The following RBM20 variants were observed in gnomAD, a reference collection of about 807,000 sequenced individuals.
RBM20 encodes the protein RNA binding motif protein 20, also known as RNA-binding protein 20.
A neutral mutation model predicts 110.1 loss-of-function variants in RBM20; 51 were observed. That is an observed-to-expected ratio of 0.46 (90% confidence interval 0.37 to 0.59). The LOEUF (loss-of-function observed/expected upper bound fraction) is 0.59, where lower values mean the gene tolerates loss of function less well. Among genes scored for constraint, RBM20 ranks in the 20% least tolerant of loss-of-function variants. The pLI is 0.00. For synonymous variants in RBM20, 589 were observed against 618.2 expected, an observed-to-expected ratio of 0.95 and a Z score of 0.70; for missense variants, 1,512 against 1,574.9, an observed-to-expected ratio of 0.96 and a Z score of 0.68.
chr10:110,685,767 G>C (rs1389570762), intron 1 of RBM20, among the ~76,000 whole-genome samples: 1 of 152,150 alleles, frequency 6.6e-6, no homozygotes, highest in Admixed American at 6.5e-5. Flanking sequence ...AGGTGGGTTC[G>C]GGCTAACGTG....
Position 110,644,598 on chromosome 10 carries a change from C to G in RBM20, c.144C>G (p.Pro48=), listed in dbSNP as rs1202385895. Residue 48 remains proline, a synonymous_variant, in exon 1 of 14, where the codon CCC becomes CCG. Coordinates refer to ENST00000369519, the MANE Select transcript of RBM20 (RefSeq NM_001134363.3). The surrounding 1 kb of genome is among the most constrained non-coding windows in gnomAD (Gnocchi z 4.3). ...GGATGCAGCAGCCGCCGCCGCCGCC[C>G]CAGCCACCGCCCCCGCCCCAAGCCG... ...PRGMQQPPPP[P]QPPPPPQAGL... is the part of the protein sequence containing the mutation. 1 of 1,523,456 alleles carries G rather than the reference C, an allele frequency of 6.6e-7. No individual in the cohort carries two copies. Among genetic ancestry groups the G allele is most frequent in the African/African-American group, 1.4e-5 (1 of 70,512 alleles). 94.4% of individuals were successfully genotyped at this position (1,523,456 alleles called of 1,614,324 possible).
chr10:110,725,787 A>G (rs1257012705), intron 1 of RBM20, among the ~76,000 whole-genome samples: 4 of 152,180 alleles, frequency 2.6e-5, no homozygotes, highest in African/African-American at 9.7e-5. Context: ...TGTAAAACCA[A>G]TTGTATGGCA....
intron 1 of RBM20, among the ~76,000 whole-genome samples, chr10:110,700,094 C>G: frequency 6.6e-6 from 1 of 152,150 alleles, no homozygotes. Context: ...TATTTTTGGA[C>G]CACGCTTGAC....
intron 1 of RBM20, among the ~76,000 whole-genome samples, chr10:110,718,287 T>C (rs768178453): frequency 4.8e-4 from 73 of 152,230 alleles, no homozygotes; most frequent in Non-Finnish European, 7.6e-4. Context: ...TTATAAGCAA[T>C]ATATAAATTC....
At chr10:110,666,357 T>A (rs1862179053) in intron 1 of RBM20, among the ~76,000 whole-genome samples, 2 of 152,112 alleles carry the variant, frequency 1.3e-5, no homozygotes. Flanking sequence ...AAAAATCACC[T>A]GGGGGCTGGG....
intron 6 of RBM20, 63 bp downstream of exon 6, chr10:110,797,711 G>A (rs1455739398): frequency 1.3e-5 from 20 of 1,484,758 alleles, no homozygotes; most frequent in Middle Eastern, 1.8e-4. Flanking sequence ...GAAAGGGAAC[G>A]ATATAATTTT....
chr10:110,751,904 C>T (rs1843858787), intron 1 of RBM20, among the ~76,000 whole-genome samples: 1 of 151,744 alleles, frequency 6.6e-6, no homozygotes, highest in Non-Finnish European at 1.5e-5. Flanking sequence ...TTTTTTAGAG[C>T]AGGTTCACAG....
chr10:110,810,548 A>G (rs1056629891), intron 8 of RBM20, 86 bp downstream of exon 8: 5 of 946,868 alleles, frequency 5.3e-6, no homozygotes, highest in Non-Finnish European at 8.2e-6. Flanking sequence ...CATTTGAGTC[A>G]TGCTGTGCCC....
At chr10:110,702,316 G>A (rs998594218) in intron 1 of RBM20, among the ~76,000 whole-genome samples, 1 of 152,046 alleles carries the variant, frequency 6.6e-6, no homozygotes, top group East Asian at 1.9e-4. Context: ...TAGGTGGGAG[G>A]ATCACCTGAG....
intron 1 of RBM20, among the ~76,000 whole-genome samples, chr10:110,702,921 A>G (rs560410463): frequency 1.3e-5 from 2 of 151,944 alleles, no homozygotes; most frequent in South Asian, 4.2e-4. Context: ...TCTGGCAATT[A>G]GTGAGCACCA....
intron 1 of RBM20, among the ~76,000 whole-genome samples, chr10:110,749,878 G>T (rs1055674733): frequency 6.6e-6 from 1 of 151,980 alleles, no homozygotes; most frequent in Non-Finnish European, 1.5e-5. Flanking sequence ...AAATCAAAAT[G>T]TTAACACTGT....
chr10:110,690,694 A>G (rs889076780), intron 1 of RBM20, among the ~76,000 whole-genome samples: 2 of 152,242 alleles, frequency 1.3e-5, no homozygotes, highest in African/African-American at 4.8e-5. Flanking sequence ...TTCAAGGATC[A>G]TTCATACTGT....
At chr10:110,744,969 G>GT (rs1843762358) in intron 1 of RBM20, among the ~76,000 whole-genome samples, 1 of 152,168 alleles carries the variant, frequency 6.6e-6, no homozygotes, top group Non-Finnish European at 1.5e-5. Context: ...AGAGCGAGAG[G>GT]TTACTTCTGC....
In RBM20 at chr10:110,835,978, ATGCTTC is replaced by A; in HGVS notation, c.*11_*16del. 1.8e-6 allele frequency: 2 copies of A among 1,112,960 alleles called. No homozygotes were observed. Among genetic ancestry groups the A allele is most frequent in the Admixed American group, 2.1e-5 (1 of 46,734 alleles). 68.9% of individuals were successfully genotyped at this position (1,112,960 alleles called of 1,614,324 possible). ...CACGCTTCGAAAGGAAAAAGCTCTG[ATGCTTC>A]TGCTTCTGCTGCTACTGCTGCTGCT... On this transcript the variant is annotated 3_prime_UTR_variant, in exon 14 of 14. Coordinates refer to ENST00000369519, the MANE Select transcript of RBM20 (RefSeq NM_001134363.3).
At chr10:110,668,938 G>A (rs964480151) in intron 1 of RBM20, among the ~76,000 whole-genome samples, 1 of 150,026 alleles carries the variant, frequency 6.7e-6, no homozygotes, top group African/African-American at 2.4e-5. Context: ...CCTGGCCCTT[G>A]CTTTGTTTTG....
chr10:110,676,503 A>G (rs1414084981), intron 1 of RBM20, among the ~76,000 whole-genome samples: 6 of 152,258 alleles, frequency 3.9e-5, no homozygotes, highest in Non-Finnish European at 8.8e-5. Context: ...TATCGCTCTC[A>G]GAATTTATGG....
At chr10:110,773,866 G>A (rs1844225537) in intron 1 of RBM20, among the ~76,000 whole-genome samples, 1 of 152,162 alleles carries the variant, frequency 6.6e-6, no homozygotes, top group Non-Finnish European at 1.5e-5. Flanking sequence ...TGCCTGATAA[G>A]CGACGTACGG....
rs1427960029 is a variant in RBM20 at position 110,766,899 on chromosome 10, C to T, written c.192-13902C>T. On this transcript the variant is annotated intron_variant, in intron 1 of 13. Transcript: ENST00000369519. ...GGGGCTCCTCACTTCCCAGTAGGGG[C>T]GGCCGGGCAGAGGCGCCCCTCACCT... is the stretch of plus-strand genomic sequence containing the variant. Among the ~76,000 whole-genome samples the T allele has an allele frequency of 1.7e-4, 26 of 148,698 alleles. No individual in the cohort carries two copies. The East Asian group carries it at 4.9e-3, about 28-fold the overall frequency.
intron 1 of RBM20, among the ~76,000 whole-genome samples, chr10:110,663,801 C>G (rs1306904549): frequency 6.6e-6 from 1 of 152,142 alleles, no homozygotes; most frequent in African/African-American, 2.4e-5. Context: ...TTACCGTCAA[C>G]GTGAATGCCA....
Sources: allele counts gnomAD v4.1 joint callset (sites outside exome capture counted in the v4.1 genomes callset), GRCh38; gene constraint gnomAD v4.1.1; non-coding constraint Gnocchi (gnomAD v3.1); transcripts MANE v1.5; gene names NCBI Gene and HGNC (gene_info 2026-07-23, HGNC 2026-07-21).